Variants in USP10 observed in about 807,000 individuals in gnomAD.
The protein encoded by USP10 is ubiquitin carboxyl-terminal hydrolase 10.
Under a neutral mutation model 84.5 loss-of-function variants are expected in USP10, and 22 were observed. The observed-to-expected ratio is 0.26, with a 90% CI of 0.19 to 0.37. USP10 has a LOEUF of 0.37. Among genes scored for constraint, USP10 ranks in the 10% least tolerant of loss-of-function variants. The probability of loss-of-function intolerance (pLI) is 1.00; values close to 1 mark genes in which losing one functional copy is unlikely to be tolerated. For synonymous variants in USP10, 454 were observed against 387.6 expected (o/e 1.17, Z -2.01); for missense variants, 1,019 against 998.9 (o/e 1.02, Z -0.27).
intron 1 of USP10, among the ~76,000 whole-genome samples, chr16:84,714,879 A>T (rs752106311): frequency 1.3e-4 from 19 of 151,310 alleles, no homozygotes; most frequent in Non-Finnish European, 1.9e-4. Context: ...CAAGTTCTAC[A>T]TATGAAATGT....
chr16:84,749,106 A>T (rs1405583948), intron 4 of USP10, among the ~76,000 whole-genome samples: 1 of 152,260 alleles, frequency 6.6e-6, no homozygotes, highest in Non-Finnish European at 1.5e-5. Context: ...ATAGAGTCAC[A>T]TTGAATAACC....
At chr16:84,726,725 G>C (rs1479246189) in intron 1 of USP10, among the ~76,000 whole-genome samples, 1 of 152,234 alleles carries the variant, frequency 6.6e-6, no homozygotes, top group African/African-American at 2.4e-5. Context: ...ATGAGGGGAA[G>C]TGGTGGAGGG....
chr16:84,767,874 GACAA>G (rs1392812884), intron 10 of USP10, among the ~76,000 whole-genome samples: 3 of 151,924 alleles, frequency 2.0e-5, no homozygotes, highest in Non-Finnish European at 4.4e-5. Context: ...AAGGTCAGCA[GACAA>G]ACAAGTGAAC....
intron 1 of USP10, among the ~76,000 whole-genome samples, chr16:84,717,770 A>C (rs1019803800): frequency 6.6e-6 from 1 of 152,194 alleles, no homozygotes; most frequent in Non-Finnish European, 1.5e-5. Flanking sequence ...AAGTGCTTCT[A>C]CTGCCTTTGA....
intron 1 of USP10, among the ~76,000 whole-genome samples, chr16:84,720,820 G>A (rs1017091016): frequency 1.3e-5 from 2 of 150,922 alleles, no homozygotes; most frequent in South Asian, 2.1e-4. Context: ...CTGACCTCAT[G>A]ATCTGCCCAC....
chr16:84,721,954 C>G (rs757617662), intron 1 of USP10, among the ~76,000 whole-genome samples: 2 of 152,234 alleles, frequency 1.3e-5, no homozygotes, highest in Non-Finnish European at 2.9e-5. Context: ...CTTGGCCTCC[C>G]AAAGTGCTGG....
At chr16:84,707,765 A>G (rs1237621624) in intron 1 of USP10, among the ~76,000 whole-genome samples, 3 of 149,924 alleles carry the variant, frequency 2.0e-5, no homozygotes, top group African/African-American at 7.3e-5. Context: ...TGTCCAAACA[A>G]TTTTTTTTTT....
chr16:84,751,164 A>T (rs1167961508), intron 4 of USP10, among the ~76,000 whole-genome samples: 2 of 152,234 alleles, frequency 1.3e-5, no homozygotes, highest in Non-Finnish European at 2.9e-5. Flanking sequence ...TTCAGTACAC[A>T]ACATGCTGTA....
In USP10 at chr16:84,745,583, G is replaced by A. The variant is rs1301578598; in HGVS notation, c.1102G>A (p.Ala368Thr). ...TGTGGAAACTAAGTATTCCCCTCCC[G>A]CCATATCTCCCCTGGTTTCTGAAAA... Reference protein sequence around the residue: ...AYVETKYSPPAISPLVSEKQV... With the variant: ...AYVETKYSPPTISPLVSEKQV... Residue 368 changes from alanine (A) to threonine (T), a missense_variant, in exon 4 of 14, where the codon GCC becomes ACC. Ala to Thr is a moderately conservative substitution (Grantham distance 58). Around this residue, in one of 2 missense-constraint regions of USP10, gnomAD observed 787 missense variants for 708.8 expected, o/e 1.11. Coordinates refer to ENST00000219473, the MANE Select transcript of USP10 (RefSeq NM_005153.3). 3.1e-6 allele frequency: 5 copies of A among 1,612,096 alleles called. No homozygotes were observed. Among genetic ancestry groups the A allele is most frequent in the South Asian group, 1.1e-5 (1 of 90,722 alleles).
At chr16:84,742,288 T>G (rs1251062879) in intron 3 of USP10, among the ~76,000 whole-genome samples, 1 of 152,218 alleles carries the variant, frequency 6.6e-6, no homozygotes, top group Non-Finnish European at 1.5e-5. Flanking sequence ...CAAGTTCCAC[T>G]GACCTCTCTA....
intron 1 of USP10, 86 bp downstream of exon 1, chr16:84,700,197 C>CGGG: frequency 1.9e-6 from 2 of 1,063,914 alleles, no homozygotes; most frequent in Non-Finnish European, 2.3e-6. Flanking sequence ...CGCGCCCTGC[C>CGGG]CGGAGCGAGC....
intron 1 of USP10, among the ~76,000 whole-genome samples, chr16:84,720,523 G>T (rs998284355): frequency 6.7e-6 from 1 of 150,326 alleles, no homozygotes; most frequent in African/African-American, 2.4e-5. Flanking sequence ...AGAGGCTTCA[G>T]AGTGGTGCAC....
At chr16:84,739,325 G>A (rs1910341744) in intron 2 of USP10, among the ~76,000 whole-genome samples, 1 of 152,082 alleles carries the variant, frequency 6.6e-6, no homozygotes, top group Admixed American at 6.5e-5. Context: ...AGGCTGGAGT[G>A]CAGTGGCGCG....
Position 84,745,582 on chromosome 16 carries a change from C to A in USP10, c.1101C>A (p.Pro367=), listed in dbSNP as rs1250620386. 6.2e-7 allele frequency: 1 copy of A among 1,612,494 alleles called. No homozygotes were observed. Among genetic ancestry groups the A allele is most frequent in the Non-Finnish European group, 8.5e-7 (1 of 1,179,218 alleles). The stretch of plus-strand genomic sequence containing the variant: ...ATGTGGAAACTAAGTATTCCCCTCC[C>A]GCCATATCTCCCCTGGTTTCTGAAA... ...VAYVETKYSP[P]AISPLVSEKQ... Residue 367 remains proline, a synonymous_variant, in exon 4 of 14, where the codon CCC becomes CCA. Transcript: ENST00000219473.
At chr16:84,734,096 C>G (rs902379936) in intron 2 of USP10, among the ~76,000 whole-genome samples, 3 of 152,168 alleles carry the variant, frequency 2.0e-5, no homozygotes, top group Non-Finnish European at 4.4e-5. Flanking sequence ...TTTATCATGT[C>G]TCCTGGTGCC....
intron 1 of USP10, among the ~76,000 whole-genome samples, chr16:84,723,273 C>T (rs1908047342): frequency 6.6e-6 from 1 of 151,526 alleles, no homozygotes; most frequent in African/African-American, 2.4e-5. Flanking sequence ...AATAGGTGTT[C>T]CTTTAAAGTG....
chr16:84,717,940 T>C (rs1597291201), intron 1 of USP10, among the ~76,000 whole-genome samples: 1 of 152,234 alleles, frequency 6.6e-6, no homozygotes. Flanking sequence ...AAATTTGGGA[T>C]TCGTGATCAC....
At chr16:84,744,281 A>G (rs1024473589) in intron 3 of USP10, among the ~76,000 whole-genome samples, 1 of 152,106 alleles carries the variant, frequency 6.6e-6, no homozygotes, top group Non-Finnish European at 1.5e-5. Flanking sequence ...ATATTCCTTT[A>G]TCTCAGGCAT....
In USP10 at chr16:84,772,702, G is replaced by A. The variant is rs8049587; in HGVS notation, c.2143+17G>A. 30 of 1,612,930 alleles carry A rather than the reference G, an allele frequency of 1.9e-5. No homozygotes were observed. The highest frequency in any genetic ancestry group is 1.5e-5 in the Non-Finnish European group (18 of 1,179,166). On this transcript the variant is annotated intron_variant, in intron 12 of 13. Coordinates refer to ENST00000219473, the MANE Select transcript of USP10 (RefSeq NM_005153.3). Reference sequence around the variant, plus strand: ...TTAGTAAAGGTAATGCATACATAAGGTCGGGAGTGTTCGTGGTGACACACT... The same window carrying A: ...TTAGTAAAGGTAATGCATACATAAGATCGGGAGTGTTCGTGGTGACACACT...
Sources: gnomAD v4.1 joint callset for allele counts (sites outside exome capture counted in the v4.1 genomes callset) on GRCh38, gnomAD v4.1.1 for gene constraint, gnomAD v4.1.1 regional missense constraint, MANE v1.5 for transcripts, NCBI Gene and HGNC (gene_info 2026-07-23, HGNC 2026-07-21) for gene names.